PLCB1: variants seen among roughly 807,000 people sequenced by gnomAD.
PLCB1 encodes the protein 1-phosphatidylinositol 4,5-bisphosphate phosphodiesterase beta-1.
A neutral mutation model predicts 161.8 loss-of-function variants in PLCB1; 46 were observed. That is an observed-to-expected ratio of 0.28 (90% CI 0.22 to 0.36). The LOEUF (loss-of-function observed/expected upper bound fraction) is 0.36. Among genes scored for constraint, PLCB1 ranks in the 10% least tolerant of loss-of-function variants. PLCB1 has a pLI of 1.00. For missense variants in PLCB1, 1,016 were observed against 1,472.5 expected (o/e 0.69, Z 5.07); for synonymous variants, 517 against 503.7 (o/e 1.03, Z -0.35).
At chr20:8,318,160 C>CA (rs1312915469) in intron 2 of PLCB1, among the ~76,000 whole-genome samples, 1 of 152,016 alleles carries the variant, frequency 6.6e-6, no homozygotes, top group African/African-American at 2.4e-5. Flanking sequence ...AGGTCTTAAT[C>CA]AAAAAATTAT....
At chr20:8,456,832 C>G (rs978193060) in intron 3 of PLCB1, among the ~76,000 whole-genome samples, 1 of 152,106 alleles carries the variant, frequency 6.6e-6, no homozygotes, top group Non-Finnish European at 1.5e-5. Context: ...GGAGAAGTGG[C>G]CAGAGAGCTC....
chr20:8,326,235 A>G (rs1985147559), intron 2 of PLCB1, among the ~76,000 whole-genome samples: 1 of 152,224 alleles, frequency 6.6e-6, no homozygotes, highest in Non-Finnish European at 1.5e-5. Context: ...CTGGGAAATT[A>G]TATAGTGATA....
At chr20:8,796,584 A>G (rs1056007075) in intron 31 of PLCB1, among the ~76,000 whole-genome samples, 3 of 152,184 alleles carry the variant, frequency 2.0e-5, no homozygotes, top group Non-Finnish European at 1.5e-5. Context: ...TCAAGTCTCA[A>G]TTAACCACAC....
intron 3 of PLCB1, among the ~76,000 whole-genome samples, chr20:8,516,483 A>G (rs1329081000): frequency 6.6e-6 from 1 of 152,076 alleles, no homozygotes; most frequent in Non-Finnish European, 1.5e-5. Flanking sequence ...TCATTTCAGA[A>G]CAACAACCTA....
chr20:8,858,956 A>G (rs1987161727), intron 31 of PLCB1, among the ~76,000 whole-genome samples: 2 of 151,486 alleles, frequency 1.3e-5, no homozygotes, highest in Admixed American at 1.3e-4. Flanking sequence ...AGTGGGACAG[A>G]TAGTTCCTCT....
chr20:8,864,597 T>C (rs1987363713), intron 31 of PLCB1, among the ~76,000 whole-genome samples: 1 of 151,850 alleles, frequency 6.6e-6, no homozygotes. Flanking sequence ...AAAAAGCGAG[T>C]AGATGTAAAT....
At chr20:8,631,537 G>T (rs902944376) in intron 4 of PLCB1, among the ~76,000 whole-genome samples, 1 of 152,158 alleles carries the variant, frequency 6.6e-6, no homozygotes, top group Non-Finnish European at 1.5e-5. Flanking sequence ...GGGGAAGCAC[G>T]TAACATTATC....
At chr20:8,141,053 C>G (rs968795983) in intron 1 of PLCB1, among the ~76,000 whole-genome samples, 13 of 152,104 alleles carry the variant, frequency 8.5e-5, no homozygotes, top group African/African-American at 3.1e-4. Context: ...GCCTCAGCCT[C>G]CCAAAGTGCT....
chr20:8,373,239 G>A (rs541979407), intron 3 of PLCB1, among the ~76,000 whole-genome samples: 2 of 152,138 alleles, frequency 1.3e-5, no homozygotes, highest in African/African-American at 4.8e-5. Context: ...CTATGCTCCT[G>A]GCTTCCTTTT....
At chr20:8,412,662 A>G (rs1010223733) in intron 3 of PLCB1, among the ~76,000 whole-genome samples, 7 of 152,166 alleles carry the variant, frequency 4.6e-5, no homozygotes, top group African/African-American at 1.7e-4. Flanking sequence ...TGCTTGCTTT[A>G]CATGGTTATC....
chr20:8,280,932 C>CAGG (rs1982847887), intron 2 of PLCB1, among the ~76,000 whole-genome samples: 1 of 152,160 alleles, frequency 6.6e-6, no homozygotes, highest in Non-Finnish European at 1.5e-5. Flanking sequence ...TGGAAAGGAT[C>CAGG]AGGAAGCATT....
At chr20:8,667,603 G>A (rs966851447) in intron 9 of PLCB1, among the ~76,000 whole-genome samples, 2 of 152,138 alleles carry the variant, frequency 1.3e-5, no homozygotes, top group Non-Finnish European at 2.9e-5. Flanking sequence ...TGTCTGCTCA[G>A]GCCCACAGCT....
chr20:8,395,004 A>G (rs150055955), intron 3 of PLCB1, among the ~76,000 whole-genome samples: 1 of 152,120 alleles, frequency 6.6e-6, no homozygotes, highest in Admixed American at 6.5e-5. Flanking sequence ...AGCAAACACA[A>G]TTTTTCTTTC....
At chr20:8,722,068 G>A (rs573930455) in intron 14 of PLCB1, among the ~76,000 whole-genome samples, 1 of 152,064 alleles carries the variant, frequency 6.6e-6, no homozygotes, top group Non-Finnish European at 1.5e-5. Context: ...TCAATGCCAC[G>A]TGTTTAAAAA....
intron 10 of PLCB1, among the ~76,000 whole-genome samples, chr20:8,691,296 A>G (rs1223914563): frequency 6.6e-6 from 1 of 152,114 alleles, no homozygotes; most frequent in African/African-American, 2.4e-5. Context: ...GAATCCTATT[A>G]AATTTTTAAA....
chr20:8,484,320 C>T (rs951464270), intron 3 of PLCB1, among the ~76,000 whole-genome samples: 3 of 151,476 alleles, frequency 2.0e-5, no homozygotes, highest in Non-Finnish European at 2.9e-5. Flanking sequence ...CCACTACACC[C>T]GGCCACCTTC....
chr20:8,505,403 A>G (rs1490517918), intron 3 of PLCB1, among the ~76,000 whole-genome samples: 1 of 152,216 alleles, frequency 6.6e-6, no homozygotes, highest in Non-Finnish European at 1.5e-5. Flanking sequence ...GATAATGGAT[A>G]CTGGTTTTAG....
At chr20:8,307,420 T>C (rs574334654) in intron 2 of PLCB1, among the ~76,000 whole-genome samples, 1 of 152,324 alleles carries the variant, frequency 6.6e-6, no homozygotes, top group Non-Finnish European at 1.5e-5. Context: ...TAACTACAGA[T>C]TGTCAATTGG....
chr20:8,850,007 G>A (rs1010579004), intron 31 of PLCB1, among the ~76,000 whole-genome samples: 12 of 152,092 alleles, frequency 7.9e-5, no homozygotes, highest in Admixed American at 4.6e-4. Context: ...GCAAGACTCC[G>A]TCTAAAAATA....
Sources: gnomAD v4.1 joint callset for allele counts (sites outside exome capture counted in the v4.1 genomes callset) on GRCh38, gnomAD v4.1.1 for gene constraint, MANE v1.5 for transcripts, NCBI Gene and HGNC (gene_info 2026-07-23, HGNC 2026-07-21) for gene names.